MYT1L: variants seen among roughly 807,000 people sequenced by gnomAD.
MYT1L encodes the protein myelin transcription factor 1 like.
MYT1L carries 12 observed loss-of-function variants against 126.7 expected under a neutral mutation model. The observed-to-expected ratio is 0.09, with a 90% CI of 0.06 to 0.15. MYT1L has a LOEUF of 0.15. MYT1L is among the 10% of genes least tolerant of loss of function. The pLI is 1.00. For missense variants in MYT1L, 979 were observed against 1,585.2 expected, an observed-to-expected ratio of 0.62 and a Z score of 6.49; for synonymous variants, 541 against 604.2, an observed-to-expected ratio of 0.90 and a Z score of 1.53.
chr2:2,184,601 C>A (rs2091918692), intron 2 of MYT1L, among the ~76,000 whole-genome samples: 1 of 152,152 alleles, frequency 6.6e-6, no homozygotes, highest in African/African-American at 2.4e-5. Context: ...TTTGCCCAAC[C>A]TCCTCTGTCC....
intron 5 of MYT1L, among the ~76,000 whole-genome samples, chr2:1,990,797 G>C (rs1413708542): frequency 6.6e-6 from 1 of 152,188 alleles, no homozygotes; most frequent in African/African-American, 2.4e-5. Flanking sequence ...CAGTCGTCTA[G>C]AGCCCTCAGC....
chr2:1,996,817 G>A (rs1394211285), intron 5 of MYT1L, among the ~76,000 whole-genome samples: 10 of 144,864 alleles, frequency 6.9e-5, no homozygotes, highest in Non-Finnish European at 6.0e-5. Flanking sequence ...CCTCAGTGTG[G>A]GCTGCACAGA....
chr2:2,026,788 T>C (rs1219743554), intron 4 of MYT1L, among the ~76,000 whole-genome samples: 2 of 152,006 alleles, frequency 1.3e-5, no homozygotes, highest in African/African-American at 4.8e-5. Flanking sequence ...TCTGGTGGAA[T>C]GTTCTTGAAC....
intron 18 of MYT1L, chr2:1,883,817 A>G (rs1470371292): frequency 1.3e-5 from 2 of 152,222 alleles, no homozygotes; most frequent in Non-Finnish European, 1.5e-5. Context: ...CCTCTGAACT[A>G]TGTCTTCGAC....
intron 4 of MYT1L, among the ~76,000 whole-genome samples, chr2:2,031,565 G>A (rs961559485): frequency 6.8e-6 from 1 of 146,938 alleles, no homozygotes; most frequent in African/African-American, 2.6e-5. Context: ...GATTCTAGAA[G>A]GAGGGCCTTA....
At chr2:2,299,411 A>T (rs2095750020) in intron 1 of MYT1L, among the ~76,000 whole-genome samples, 1 of 152,236 alleles carries the variant, frequency 6.6e-6, no homozygotes, top group Admixed American at 6.5e-5. Context: ...CCAGGAATCC[A>T]GTTCGAACTG....
At chr2:1,884,993 G>T (rs752318612) in intron 18 of MYT1L, among the ~76,000 whole-genome samples, 7 of 152,236 alleles carry the variant, frequency 4.6e-5, no homozygotes, top group Non-Finnish European at 8.8e-5. Flanking sequence ...CCAACGTGAA[G>T]GGATGCAAGC....
chr2:2,240,109 C>G (rs982528147), intron 2 of MYT1L, among the ~76,000 whole-genome samples: 15 of 152,000 alleles, frequency 9.9e-5, no homozygotes, highest in Non-Finnish European at 1.8e-4. Flanking sequence ...ACCAGCCTGG[C>G]CAACATGGTG....
intron 3 of MYT1L, among the ~76,000 whole-genome samples, chr2:2,069,882 G>A (rs965853501): frequency 2.7e-5 from 4 of 150,750 alleles, no homozygotes; most frequent in African/African-American, 7.3e-5. Context: ...TTTGAAAAGC[G>A]TCTGTTCATA....
At chr2:2,038,578 C>T (rs912383341) in intron 4 of MYT1L, among the ~76,000 whole-genome samples, 4 of 152,198 alleles carry the variant, frequency 2.6e-5, no homozygotes, top group Admixed American at 1.3e-4. Context: ...ATCCTAGTTG[C>T]TGTTCCTGCC....
At chr2:1,966,052 T>C (rs1350133633) in intron 8 of MYT1L, among the ~76,000 whole-genome samples, 1 of 152,212 alleles carries the variant, frequency 6.6e-6, no homozygotes, top group Non-Finnish European at 1.5e-5. Flanking sequence ...CAGGCTCCTG[T>C]GCTGGGAACA....
At chr2:2,277,738 A>G (rs561033100) in intron 2 of MYT1L, among the ~76,000 whole-genome samples, 3 of 152,334 alleles carry the variant, frequency 2.0e-5, no homozygotes, top group Admixed American at 2.0e-4. Flanking sequence ...ATGGTCATAT[A>G]ACAATTGTAA....
chr2:1,869,474 T>C (rs1011306441), intron 18 of MYT1L, among the ~76,000 whole-genome samples: 1 of 152,244 alleles, frequency 6.6e-6, no homozygotes, highest in African/African-American at 2.4e-5. Flanking sequence ...CCTGTGTGTG[T>C]GCCTGCATGT....
chr2:2,313,371 C>T (rs2149624040), intron 1 of MYT1L, among the ~76,000 whole-genome samples: 1 of 152,212 alleles, frequency 6.6e-6, no homozygotes, highest in African/African-American at 2.4e-5. Context: ...GTGGGTATAG[C>T]AAGGGCTTCA....
At chr2:1,818,078 A>G (rs1211849739) in intron 21 of MYT1L, among the ~76,000 whole-genome samples, 4 of 147,444 alleles carry the variant, frequency 2.7e-5, no homozygotes, top group Non-Finnish European at 6.0e-5. Flanking sequence ...GAGCTCCGGG[A>G]GGCCCTGACA....
At chr2:1,855,476 C>T (rs2043796260) in intron 18 of MYT1L, among the ~76,000 whole-genome samples, 1 of 152,222 alleles carries the variant, frequency 6.6e-6, no homozygotes, top group Non-Finnish European at 1.5e-5. Context: ...AGCTCCCTTT[C>T]AGGGAGGCTG....
intron 4 of MYT1L, among the ~76,000 whole-genome samples, chr2:2,027,817 T>C (rs1214240184): frequency 1.4e-5 from 1 of 69,768 alleles, no homozygotes; most frequent in Admixed American, 1.2e-4. Flanking sequence ...TGGCTTGATG[T>C]GGCGTGGCCC....
At chr2:2,255,643 G>A (rs1477837339) in intron 2 of MYT1L, among the ~76,000 whole-genome samples, 1 of 152,180 alleles carries the variant, frequency 6.6e-6, no homozygotes, top group South Asian at 2.1e-4. Flanking sequence ...TTTACAGAAT[G>A]AAGGCTGGGC....
chr2:1,894,376 G>A (rs1242692842), intron 14 of MYT1L, among the ~76,000 whole-genome samples: 2 of 152,144 alleles, frequency 1.3e-5, no homozygotes, highest in Non-Finnish European at 2.9e-5. Flanking sequence ...AGGCTGTAAG[G>A]GCACCCCCAC....
Sources: gnomAD v4.1 joint callset for allele counts (sites outside exome capture counted in the v4.1 genomes callset) on GRCh38, gnomAD v4.1.1 for gene constraint, MANE v1.5 for transcripts, NCBI Gene and HGNC (gene_info 2026-07-23, HGNC 2026-07-21) for gene names.